Variants in MCTP1 observed in about 807,000 individuals in gnomAD.
The protein encoded by MCTP1 is multiple C2 and transmembrane domain-containing protein 1.
In MCTP1, 69 loss-of-function variants were observed where a neutral mutation model predicts 120.6. The ratio of observed to expected loss-of-function variants is 0.57; its 90% CI spans 0.47 to 0.70. The LOEUF is 0.70. MCTP1 is among the 30% of genes least tolerant of loss of function. The pLI, the probability that MCTP1 is intolerant of heterozygous loss-of-function variation, is 0.00. For missense variants in MCTP1, 1,203 were observed against 1,248.8 expected, an observed-to-expected ratio of 0.96 and a Z score of 0.55; for synonymous variants, 529 against 493.1, an observed-to-expected ratio of 1.07 and a Z score of -0.96.
At chr5:95,050,886 TAAG>T (rs890387141) in intron 1 of MCTP1, among the ~76,000 whole-genome samples, 7 of 152,064 alleles carry the variant, frequency 4.6e-5, no homozygotes, top group African/African-American at 1.7e-4. Context: ...AGTATCCTAA[TAAG>T]AAGGGAAAAC....
chr5:95,131,582 CTCTGA>C (rs1304640111), intron 1 of MCTP1, among the ~76,000 whole-genome samples: 2 of 152,230 alleles, frequency 1.3e-5, no homozygotes, highest in South Asian at 2.1e-4. Flanking sequence ...ATCATCTTTG[CTCTGA>C]TCTATTTTTT....
chr5:95,157,200 A>C (rs1417152897), intron 1 of MCTP1, among the ~76,000 whole-genome samples: 6 of 152,250 alleles, frequency 3.9e-5, no homozygotes, highest in African/African-American at 1.2e-4. Flanking sequence ...ATGAAAATCC[A>C]AATATATTAT....
chr5:95,234,672 T>A (rs1420050793), intron 1 of MCTP1, among the ~76,000 whole-genome samples: 6 of 152,180 alleles, frequency 3.9e-5, no homozygotes, highest in Non-Finnish European at 7.4e-5. Flanking sequence ...TATTACACAT[T>A]CTATAAATAT....
intron 1 of MCTP1, among the ~76,000 whole-genome samples, chr5:95,082,556 T>C (rs1340064123): frequency 3.3e-5 from 5 of 152,030 alleles, no homozygotes; most frequent in South Asian, 2.1e-4. Flanking sequence ...AATAGACATA[T>C]AAGGTGAAGC....
At chr5:94,829,023 A>T (rs1455142264) in intron 17 of MCTP1, among the ~76,000 whole-genome samples, 3 of 152,088 alleles carry the variant, frequency 2.0e-5, no homozygotes, top group African/African-American at 4.8e-5. Flanking sequence ...ACAAAAAAAA[A>T]ACTCCTGCAG....
intron 19 of MCTP1, among the ~76,000 whole-genome samples, chr5:94,733,982 G>T (rs928608016): frequency 6.7e-6 from 1 of 149,010 alleles, no homozygotes; most frequent in African/African-American, 2.5e-5. Flanking sequence ...AAAAAGAAAA[G>T]AAAAGAAAAA....
rs1016262233 is a variant in MCTP1, at chr5:95,276,246, T to C, written c.720+7610A>G. Among the ~76,000 whole-genome samples, 9 of 131,146 alleles carry C rather than the reference T, an allele frequency of 6.9e-5. No homozygotes were observed. In the East Asian group the frequency reaches 2.0e-3, roughly 29 times the overall value. 86.0% of individuals were successfully genotyped at this position (131,146 alleles called of 152,430 possible). ...GTGAGGACAGGATTCTTGGTCAATA[T>C]TGGGATTTTTTTTTTTTTTTTTTTT... On this transcript the variant is annotated intron_variant, in intron 1 of 22. Coordinates refer to ENST00000515393, the MANE Select transcript of MCTP1 (RefSeq NM_024717.7).
intron 1 of MCTP1, among the ~76,000 whole-genome samples, chr5:95,283,470 T>G (rs532893238): frequency 6.6e-6 from 1 of 152,334 alleles, no homozygotes; most frequent in South Asian, 2.1e-4. Flanking sequence ...ATGGTACCTC[T>G]CCACACCACC....
intron 12 of MCTP1, among the ~76,000 whole-genome samples, chr5:94,877,966 G>T (rs1261274373): frequency 6.6e-6 from 1 of 152,078 alleles, no homozygotes; most frequent in African/African-American, 2.4e-5. Flanking sequence ...CCACCTCTTT[G>T]TTGCCATGTC....
At chr5:95,145,944 A>G (rs1016289815) in intron 1 of MCTP1, among the ~76,000 whole-genome samples, 1 of 152,112 alleles carries the variant, frequency 6.6e-6, no homozygotes, top group African/African-American at 2.4e-5. Context: ...CATTTTCTGG[A>G]ATGGTTTCAG....
intron 1 of MCTP1, among the ~76,000 whole-genome samples, chr5:95,181,955 T>C (rs572460138): frequency 4.1e-4 from 63 of 152,320 alleles, no homozygotes; most frequent in Non-Finnish European, 7.9e-4. Context: ...CCATAGGATG[T>C]TTTATGAAAA....
intron 2 of MCTP1, among the ~76,000 whole-genome samples, chr5:94,965,877 T>C (rs1267882055): frequency 6.6e-6 from 1 of 152,150 alleles, no homozygotes; most frequent in Non-Finnish European, 1.5e-5. Flanking sequence ...GGACACAATG[T>C]TTTTTCCTTT....
chr5:95,202,204 G>A (rs1190182066), intron 1 of MCTP1, among the ~76,000 whole-genome samples: 2 of 152,178 alleles, frequency 1.3e-5, no homozygotes, highest in Non-Finnish European at 2.9e-5. Flanking sequence ...CTCTCCTAGA[G>A]CTGGAACACT....
At chr5:94,747,126 G>T in intron 19 of MCTP1, among the ~76,000 whole-genome samples, 1 of 151,966 alleles carries the variant, frequency 6.6e-6, no homozygotes, top group Admixed American at 6.6e-5. Flanking sequence ...TATTTCAGTT[G>T]TCCAGGAGTT....
At chr5:95,230,485 A>C (rs1202983819) in intron 1 of MCTP1, among the ~76,000 whole-genome samples, 2 of 152,058 alleles carry the variant, frequency 1.3e-5, no homozygotes, top group African/African-American at 4.8e-5. Context: ...TTGGTCCTTA[A>C]AACATGACTT....
intron 1 of MCTP1, among the ~76,000 whole-genome samples, chr5:95,275,802 C>T (rs1342753203): frequency 1.3e-5 from 2 of 151,964 alleles, no homozygotes; most frequent in Non-Finnish European, 2.9e-5. Flanking sequence ...TGGAACAGCA[C>T]ATCTCTGGAT....
rs540344485 is a variant in MCTP1 at position 95,138,273 on chromosome 5, G to T, written c.721-120789C>A. Among the ~76,000 whole-genome samples, 3 of 150,300 alleles carry T rather than the reference G, an allele frequency of 2.0e-5. No homozygotes were observed. In the South Asian group the frequency reaches 6.3e-4, roughly 32 times the overall value. ...TAAAATAATATGTGTTTTGGAGCTC[G>T]ATGGGAATATATGAGCATTGAGACT... On this transcript the variant is annotated intron_variant, in intron 1 of 22. Transcript: ENST00000515393.
intron 18 of MCTP1, among the ~76,000 whole-genome samples, chr5:94,794,560 C>G (rs1273714738): frequency 6.6e-6 from 1 of 152,202 alleles, no homozygotes; most frequent in Non-Finnish European, 1.5e-5. Context: ...CAGCCTGGGA[C>G]TTTACAACAG....
At chr5:94,811,634 T>C (rs1486434192) in intron 17 of MCTP1, among the ~76,000 whole-genome samples, 2 of 152,224 alleles carry the variant, frequency 1.3e-5, no homozygotes, top group Non-Finnish European at 2.9e-5. Flanking sequence ...AAGGGAAGCA[T>C]GCGTATCATT....
Sources: allele counts gnomAD v4.1 joint callset (sites outside exome capture counted in the v4.1 genomes callset), GRCh38; gene constraint gnomAD v4.1.1; transcripts MANE v1.5; gene names NCBI Gene and HGNC (gene_info 2026-07-23, HGNC 2026-07-21).